The following CCNL1 variants were observed in gnomAD, a reference collection of about 807,000 sequenced individuals.
CCNL1 encodes cyclin L1.
A neutral mutation model predicts 60.6 loss-of-function variants in CCNL1; 13 were observed. The ratio of observed to expected loss-of-function variants is 0.21; its 90% CI spans 0.14 to 0.34. The LOEUF (loss-of-function observed/expected upper bound fraction) is 0.34, where lower values mean the gene tolerates loss of function less well. Among genes scored for constraint, CCNL1 ranks in the 10% least tolerant of loss-of-function variants. The pLI, the probability that CCNL1 is intolerant of heterozygous loss-of-function variation, is 1.00. For synonymous variants in CCNL1, 270 were observed against 244.3 expected (o/e 1.10, Z -0.98); for missense variants, 481 against 664.3 (o/e 0.72, Z 3.03).
chr3:157,148,437 C>G lies in CCNL1; in HGVS notation c.1385G>C (p.Arg462Thr), dbSNP rs1164368469. 11 of 1,614,018 alleles carry G rather than the reference C, an allele frequency of 6.8e-6. No homozygotes were observed. The highest frequency in any genetic ancestry group is 9.3e-6 in the Non-Finnish European group (11 of 1,180,028). The change falls in exon 11 of 11, where the codon AGA (arginine) becomes ACA (threonine). Residue 462 changes from arginine to threonine, a missense_variant. Around this residue, in one of 5 missense-constraint regions of CCNL1, gnomAD observed 197 missense variants for 233.9 expected, o/e 0.84. Coordinates refer to ENST00000295926, the MANE Select transcript of CCNL1 (RefSeq NM_020307.4). Reference sequence around the variant, plus strand: ...AGATTTTTTCCTTTTATGACCATGTCTGTTTGAACTTTTTAAATCATCTCT... The same window carrying G: ...AGATTTTTTCCTTTTATGACCATGTGTGTTTGAACTTTTTAAATCATCTCT... The part of the protein sequence containing the change: ...HTRDDLKSSN[R>T]HGHKRKKSRS...
intron 1 of CCNL1, 81 bp from the exon 2 acceptor site, chr3:157,159,560 C>T: frequency 7.4e-7 from 1 of 1,346,456 alleles, no homozygotes; most frequent in Non-Finnish European, 1.0e-6. Context: ...TGCCGCCGAT[C>T]GCTTCCCTTT....
At chr3:157,147,354 T>G (rs544677463), downstream of CCNL1, among the ~76,000 whole-genome samples, 3 of 152,190 alleles carry the variant, frequency 2.0e-5, no homozygotes, top group East Asian at 1.9e-4. Context: ...TTGTATTCTA[T>G]CAACCACTCA....
chr3:157,152,948 C>G, intron 4 of CCNL1, 88 bp downstream of exon 4: 2 of 1,560,898 alleles, frequency 1.3e-6, no homozygotes, highest in Non-Finnish European at 1.7e-6. Context: ...AAGGTTAACA[C>G]TCAGATAGAA....
chr3:157,149,612 A>G lies in CCNL1; in HGVS notation c.1022-16T>C. 6.2e-7 allele frequency: 1 copy of G among 1,603,510 alleles called. No individual in the cohort carries two copies. Among genetic ancestry groups the G allele is most frequent in the Non-Finnish European group, 8.5e-7 (1 of 1,172,728 alleles). On this transcript the variant is annotated splice_polypyrimidine_tract_variant and intron_variant, in intron 8 of 10. Coordinates refer to ENST00000295926, the MANE Select transcript of CCNL1 (RefSeq NM_020307.4). ...CTTGGTGATGCTTTTAAAAGATATA[A>G]TAACAACATGTTAACTACTGGATTT...
downstream of CCNL1, among the ~76,000 whole-genome samples, chr3:157,147,284 A>G (rs1197582567): frequency 1.3e-5 from 2 of 152,154 alleles, no homozygotes; most frequent in African/African-American, 2.4e-5. Context: ...TAACTTGAAA[A>G]CATTCATCTG....
Position 157,149,734 on chromosome 3 carries a change from C to G in CCNL1, c.1021+102G>C, listed in dbSNP as rs546901019. On this transcript the variant is annotated intron_variant, in intron 8 of 10. Coordinates refer to ENST00000295926, the MANE Select transcript of CCNL1 (RefSeq NM_020307.4). ...CCATGAGAGAACATAGCAGCAGTTT[C>G]CTAACATCATTTTTCTCTATGCAAC... 2.0e-6 allele frequency: 3 copies of G among 1,489,308 alleles called. No homozygotes were observed. In the Admixed American group the frequency reaches 6.2e-5, roughly 31 times the overall value. 92.3% of individuals were successfully genotyped at this position (1,489,308 alleles called of 1,614,324 possible).
Position 157,150,065 on chromosome 3 carries a change from C to CT in CCNL1, c.878dup (p.Pro294AlafsTer4). ...GCACAAACGAGTAAATAGAGAATAC[C>CT]TTTTTTCTGGTATAAAGCCTAAGTG... On this transcript the variant is annotated frameshift_variant and splice_region_variant, in exon 7 of 11. Coordinates refer to ENST00000295926, the MANE Select transcript of CCNL1 (RefSeq NM_020307.4). LOFTEE classifies it high-confidence loss of function. 1 of 1,608,528 alleles carries CT rather than the reference C, an allele frequency of 6.2e-7. No homozygotes were observed. Among genetic ancestry groups the CT allele is most frequent in the Non-Finnish European group, 8.5e-7 (1 of 1,178,420 alleles).
chr3:157,149,301 A>G lies in CCNL1; in HGVS notation c.1218T>C (p.His406=). The G allele has an allele frequency of 6.2e-7, 1 of 1,612,044 alleles. No individual in the cohort carries two copies. The highest frequency in any genetic ancestry group is 8.5e-7 in the Non-Finnish European group (1 of 1,178,118). Residue 406 remains histidine (H), a synonymous_variant, in exon 10 of 11, where the codon CAT becomes CAC. Coordinates refer to ENST00000295926, the MANE Select transcript of CCNL1 (RefSeq NM_020307.4). ...CATTTACTTACTGTCTTCTTGGAGT[A>G]TGTGATCTAGAACGTGATCGTGTTC... ...RSRTRSRSRS[H]TPRRHYNNRR... is the part of the protein sequence containing the mutation.
At chr3:157,148,816 ATT>A (rs2108109938) in intron 10 of CCNL1, 1 of 520,748 alleles carries the variant, frequency 1.9e-6, no homozygotes, top group African/African-American at 1.9e-5. Context: ...GTAATTAGCA[ATT>A]TTTATAGTGT....
At chr3:157,145,466 C>CAAAAAAAAAAAAAAA (rs1737755942), downstream of CCNL1, among the ~76,000 whole-genome samples, 56 of 88,968 alleles carry the variant, frequency 6.3e-4, 6 homozygotes, top group African/African-American at 2.2e-3. Flanking sequence ...AAAAAAAAAC[C>CAAAAAAAAAAAAAAA]AAAACGGGAT....
rs541336832 is a variant in CCNL1, at chr3:157,147,602, G to C, written c.*639C>G. 1 of 985,266 alleles carries C rather than the reference G, an allele frequency of 1.0e-6. No homozygotes were observed. Among genetic ancestry groups the C allele is most frequent in the East Asian group, 1.1e-4 (1 of 8,818 alleles). The allele number at this position is 985,266 out of a possible 1,614,324, so 61.0% of individuals were successfully genotyped here. ...AACATTTAATGTCACATTGTTGGGC[G>C]ACTCCCATTTACTTTTTCCATATAT... On this transcript the variant is annotated 3_prime_UTR_variant, in exon 11 of 11. Coordinates refer to ENST00000295926, the MANE Select transcript of CCNL1 (RefSeq NM_020307.4).
chr3:157,159,108 T>C (rs778887959), intron 2 of CCNL1, 133 bp from the exon 3 acceptor site: 1 of 658,138 alleles, frequency 1.5e-6, no homozygotes, highest in Non-Finnish European at 2.6e-6. Context: ...CTACCAGCTA[T>C]GCTAGTACTA....
Position 157,149,470 on chromosome 3 carries a change from C to T in CCNL1, c.1133+15G>A. 1 of 1,611,752 alleles carries T rather than the reference C, an allele frequency of 6.2e-7. No individual in the cohort carries two copies. Among genetic ancestry groups the T allele is most frequent in the Non-Finnish European group, 8.5e-7 (1 of 1,177,942 alleles). On this transcript the variant is annotated intron_variant, in intron 9 of 10. Coordinates refer to ENST00000295926, the MANE Select transcript of CCNL1 (RefSeq NM_020307.4). ...AAGATTCCTCAAGCCAGTTTTCCAGCCCAAGTATACTCACCCATTGTAAGG... is the reference window on the plus strand; with the variant it reads ...AAGATTCCTCAAGCCAGTTTTCCAGTCCAAGTATACTCACCCATTGTAAGG...
At chr3:157,146,079 C>CT (rs1228516646), downstream of CCNL1, among the ~76,000 whole-genome samples, 8 of 152,114 alleles carry the variant, frequency 5.3e-5, no homozygotes, top group Non-Finnish European at 1.0e-4. Flanking sequence ...TGGGAACAAA[C>CT]TTTACTTGTA....
At position 157,150,130 on chromosome 3, in the gene CCNL1, C is replaced by T; in HGVS notation, c.814G>A (p.Gly272Ser). 6.2e-7 allele frequency: 1 copy of T among 1,612,720 alleles called. No homozygotes were observed. The highest frequency in any genetic ancestry group is 8.5e-7 in the Non-Finnish European group (1 of 1,179,648). Residue 272 changes from glycine to serine, a missense_variant, in exon 7 of 11, where the codon GGT (glycine) becomes AGT (serine). Gly to Ser is a moderately conservative substitution (Grantham distance 56). Coordinates refer to ENST00000295926, the MANE Select transcript of CCNL1 (RefSeq NM_020307.4). ...TCCTGGATTTCCTCTTCTGTAGTAC[C>T]AAAAAGAAGAAACCAATGGGGACGA... ...PTRPHWFLLFGTTEEEIQEIC... is the reference protein window; with the variant it reads ...PTRPHWFLLFSTTEEEIQEIC...
chr3:157,144,203 T>C (rs1657257394), downstream of CCNL1, among the ~76,000 whole-genome samples: 1 of 152,238 alleles, frequency 6.6e-6, no homozygotes, highest in East Asian at 1.9e-4. Context: ...GAAAATCTTG[T>C]ACTGTTCAAG....
chr3:157,151,080 A>G (rs1738156289), intron 5 of CCNL1: 1 of 984,602 alleles, frequency 1.0e-6, no homozygotes, highest in Non-Finnish European at 1.2e-6. Flanking sequence ...TAAAAGGTTA[A>G]GCTGAAATTA....
chr3:157,159,630 G>A (rs1738917847), intron 1 of CCNL1, 151 bp from the exon 2 acceptor site: 2 of 995,750 alleles, frequency 2.0e-6, no homozygotes, highest in South Asian at 1.7e-5. Context: ...CTCCGCCTCC[G>A]CAGCCCCCCG....
At chr3:157,155,135 C>G (rs1738517906) in intron 3 of CCNL1, among the ~76,000 whole-genome samples, 1 of 152,130 alleles carries the variant, frequency 6.6e-6, no homozygotes, top group Admixed American at 6.5e-5. Flanking sequence ...AGTGTTACAG[C>G]TGCACACACC....
Sources: allele counts gnomAD v4.1 joint callset (sites outside exome capture counted in the v4.1 genomes callset), GRCh38; gene constraint gnomAD v4.1.1; regional missense constraint gnomAD v4.1.1; transcripts MANE v1.5; gene names NCBI Gene and HGNC (gene_info 2026-07-23, HGNC 2026-07-21).